The following COL19A1 variants were observed in gnomAD, a reference collection of about 807,000 sequenced individuals.
COL19A1 encodes the protein collagen alpha-1(XIX) chain.
A neutral mutation model predicts 190.2 loss-of-function variants in COL19A1; 159 were observed. The ratio of observed to expected loss-of-function variants is 0.84; its 90% CI spans 0.73 to 0.95. The LOEUF (loss-of-function observed/expected upper bound fraction) is 0.95, where lower values mean the gene tolerates loss of function less well. Ranked by LOEUF, COL19A1 falls within the 40% of genes least tolerant of loss-of-function variation. The probability of loss-of-function intolerance (pLI) is 0.00; values close to 1 mark genes in which losing one functional copy is unlikely to be tolerated. For synonymous variants in COL19A1, 509 were observed against 458.9 expected, an observed-to-expected ratio of 1.11 and a Z score of -1.39; for missense variants, 1,418 against 1,431.9, an observed-to-expected ratio of 0.99 and a Z score of 0.16.
chr6:70,165,904 C>T (rs1765116297), intron 36 of COL19A1, 37 bp from the exon 37 acceptor site: 9 of 1,601,018 alleles, frequency 5.6e-6, no homozygotes, highest in East Asian at 2.2e-5. Context: ...GGGGTAGAAA[C>T]GTCTACGCCG....
At chr6:69,935,367 A>G (rs558692462) in intron 7 of COL19A1, among the ~76,000 whole-genome samples, 3 of 152,116 alleles carry the variant, frequency 2.0e-5, no homozygotes, top group African/African-American at 4.8e-5. Context: ...TAAATCCTCA[A>G]TTTAATATAG....
chr6:70,177,252 T>C (rs1352510806), intron 42 of COL19A1, among the ~76,000 whole-genome samples: 1 of 152,126 alleles, frequency 6.6e-6, no homozygotes, highest in Non-Finnish European at 1.5e-5. Flanking sequence ...TGCTAGGTGC[T>C]CCTGCAGGGC....
intron 4 of COL19A1, among the ~76,000 whole-genome samples, chr6:69,917,406 G>A (rs1771375377): frequency 6.6e-6 from 1 of 152,106 alleles, no homozygotes; most frequent in Admixed American, 6.5e-5. Flanking sequence ...ACTAGGACTG[G>A]TTATAGGCAT....
At chr6:70,021,220 TTTC>T (rs1778397942) in intron 11 of COL19A1, among the ~76,000 whole-genome samples, 1 of 152,164 alleles carries the variant, frequency 6.6e-6, no homozygotes, top group South Asian at 2.1e-4. Context: ...AAGCAGTATG[TTTC>T]TTCTTTAGTC....
intron 16 of COL19A1, among the ~76,000 whole-genome samples, chr6:70,115,535 C>CA (rs1309219929): frequency 3.3e-5 from 5 of 151,580 alleles, no homozygotes; most frequent in South Asian, 2.1e-4. Context: ...AACCTAACAT[C>CA]AAAAAAAATA....
At chr6:70,082,156 T>C (rs1371174223) in intron 15 of COL19A1, among the ~76,000 whole-genome samples, 1 of 152,236 alleles carries the variant, frequency 6.6e-6, no homozygotes, top group Non-Finnish European at 1.5e-5. Flanking sequence ...TGAATTTATT[T>C]ATTTCATTGA....
At chr6:69,955,446 A>G (rs959363505) in intron 9 of COL19A1, among the ~76,000 whole-genome samples, 15 of 152,058 alleles carry the variant, frequency 9.9e-5, no homozygotes, top group Non-Finnish European at 1.6e-4. Flanking sequence ...CAAATGTAGC[A>G]TATGTAAACA....
chr6:70,098,460 T>C, intron 15 of COL19A1: 1 of 510,058 alleles, frequency 2.0e-6, no homozygotes, highest in South Asian at 1.4e-5. Context: ...AATCCACGCC[T>C]GAATCTGCGG....
At chr6:70,180,899 A>G (rs1031110426) in intron 44 of COL19A1, among the ~76,000 whole-genome samples, 5 of 152,254 alleles carry the variant, frequency 3.3e-5, no homozygotes, top group African/African-American at 1.2e-4. Flanking sequence ...CCTAAAGTAG[A>G]AGTTATTTTC....
At chr6:70,101,818 A>C (rs368242861) in intron 15 of COL19A1, among the ~76,000 whole-genome samples, 6 of 152,180 alleles carry the variant, frequency 3.9e-5, no homozygotes, top group Non-Finnish European at 8.8e-5. Context: ...ATAAGATGAC[A>C]GATGTACTTG....
intron 15 of COL19A1, among the ~76,000 whole-genome samples, chr6:70,100,704 C>G (rs1033958146): frequency 6.6e-6 from 1 of 151,818 alleles, no homozygotes; most frequent in African/African-American, 2.4e-5. Context: ...CCATGTTGGC[C>G]TGACCTCAGG....
chr6:69,926,477 T>G lies in COL19A1; in HGVS notation c.267-1432T>G, dbSNP rs539893057. Among the ~76,000 whole-genome samples the G allele has an allele frequency of 2.6e-5, 4 of 152,170 alleles. No homozygotes were observed. In the East Asian group the frequency reaches 7.7e-4, roughly 29 times the overall value. The stretch of plus-strand genomic sequence containing the variant: ...ATTATTAAGAAGCAGCAAATCAAAT[T>G]TTTGAATAGAAAAGTATAAAACAGA... On this transcript the variant is annotated intron_variant, in intron 4 of 50. Coordinates refer to ENST00000620364, the MANE Select transcript of COL19A1 (RefSeq NM_001858.6).
At chr6:69,945,874 T>C (rs1251924922) in intron 9 of COL19A1, among the ~76,000 whole-genome samples, 1 of 152,046 alleles carries the variant, frequency 6.6e-6, no homozygotes, top group African/African-American at 2.4e-5. Context: ...TCAAAAAGTG[T>C]ATATTATTTT....
intron 14 of COL19A1, among the ~76,000 whole-genome samples, chr6:70,046,283 C>T (rs1273936675): frequency 6.6e-6 from 1 of 152,158 alleles, no homozygotes; most frequent in Non-Finnish European, 1.5e-5. Flanking sequence ...CCCTCCTTCT[C>T]CCCTTGCTCT....
At chr6:69,939,362 G>T (rs1241647763) in intron 9 of COL19A1, among the ~76,000 whole-genome samples, 1 of 152,068 alleles carries the variant, frequency 6.6e-6, no homozygotes, top group East Asian at 1.9e-4. Flanking sequence ...GAATGTTTTA[G>T]ATATGTTATC....
intron 9 of COL19A1, among the ~76,000 whole-genome samples, chr6:69,957,016 C>T (rs1774462617): frequency 6.6e-6 from 1 of 151,960 alleles, no homozygotes; most frequent in African/African-American, 2.4e-5. Context: ...TGGTTATTTG[C>T]AATTTTTTTG....
chr6:69,981,051 G>A (rs1290659152), intron 11 of COL19A1, among the ~76,000 whole-genome samples: 3 of 152,000 alleles, frequency 2.0e-5, no homozygotes, highest in Non-Finnish European at 2.9e-5. Flanking sequence ...TTTTTTAAGT[G>A]GTATAAGCTT....
chr6:70,159,232 G>T (rs995143982), intron 34 of COL19A1, among the ~76,000 whole-genome samples: 3 of 151,778 alleles, frequency 2.0e-5, no homozygotes, highest in Non-Finnish European at 2.9e-5. Context: ...GTATTTTGAG[G>T]TAAAGAAATT....
intron 15 of COL19A1, among the ~76,000 whole-genome samples, chr6:70,090,874 CTG>C (rs1463933776): frequency 1.3e-5 from 2 of 152,158 alleles, no homozygotes; most frequent in African/African-American, 4.8e-5. Flanking sequence ...CTCTAGCAAC[CTG>C]TGTTTCTTTC....
Sources: allele counts gnomAD v4.1 joint callset (sites outside exome capture counted in the v4.1 genomes callset), GRCh38; gene constraint gnomAD v4.1.1; transcripts MANE v1.5; gene names NCBI Gene and HGNC (gene_info 2026-07-23, HGNC 2026-07-21).